Variants in ORC3 observed in about 807,000 individuals in gnomAD.
ORC3 encodes the protein homolog of latheo, Drosophila.
ORC3 carries 78 observed loss-of-function variants against 100.7 expected under a neutral mutation model. That is an observed-to-expected ratio of 0.77 (90% CI 0.65 to 0.94). The LOEUF (loss-of-function observed/expected upper bound fraction) is 0.94. Among genes scored for constraint, ORC3 ranks in the 40% least tolerant of loss-of-function variants. The pLI is 0.00. For missense variants in ORC3, 789 were observed against 823.9 expected, an observed-to-expected ratio of 0.96 and a Z score of 0.52; for synonymous variants, 295 against 289.3, an observed-to-expected ratio of 1.02 and a Z score of -0.20.
intron 8 of ORC3, among the ~76,000 whole-genome samples, chr6:87,615,918 A>G (rs1779122151): frequency 6.6e-6 from 1 of 152,118 alleles, no homozygotes; most frequent in African/African-American, 2.4e-5. Flanking sequence ...TACATAATAT[A>G]TTACTCTTCA....
chr6:87,647,692 A>G (rs540890050), intron 13 of ORC3, among the ~76,000 whole-genome samples: 1 of 152,336 alleles, frequency 6.6e-6, no homozygotes, highest in South Asian at 2.1e-4. Context: ...CAGAACAGTG[A>G]CTAGTATGTA....
At position 87,607,556 on chromosome 6, in the gene ORC3, T is replaced by C. The variant is rs574817810; in HGVS notation, c.428-117T>C. On this transcript the variant is annotated intron_variant, in intron 5 of 19. Transcript: ENST00000392844. Reference sequence around the variant, plus strand: ...ACATTAGCTGTATTGATGGTAAGTATAAAAAAACACATTCTACCAAAAAAA... The same window carrying C: ...ACATTAGCTGTATTGATGGTAAGTACAAAAAAACACATTCTACCAAAAAAA... 3 of 691,010 alleles carry C rather than the reference T, an allele frequency of 4.3e-6. No individual in the cohort carries two copies. In the Admixed American group the frequency reaches 1.1e-4, roughly 26 times the overall value. The allele number at this position is 691,010 out of a possible 1,614,324, so 42.8% of individuals were successfully genotyped here. A position where few individuals can be genotyped will look rare whatever the true frequency, so the allele number is the denominator to read the frequency against.
At chr6:87,675,420 G>A in the ORC3 span, 1 of 750,202 alleles carries the variant, frequency 1.3e-6, no homozygotes. Context: ...AGGTGGTACT[G>A]ACATCAGGGA....
chr6:87,629,334 T>C lies in ORC3; in HGVS notation c.1186-5511T>C, dbSNP rs189552656. Among the ~76,000 whole-genome samples the C allele has an allele frequency of 4.1e-3, 626 of 152,350 alleles. 4 individuals carry two copies. Among genetic ancestry groups the C allele is most frequent in the Non-Finnish European group, 6.7e-3 (458 of 68,020 alleles). ...AGTTTATAGTCATTTTTACATACTT[T>C]ATTTTATAATCTGAGGTCACTGTTC... On this transcript the variant is annotated intron_variant, in intron 11 of 19. Coordinates refer to ENST00000392844, the MANE Select transcript of ORC3 (RefSeq NM_012381.4).
At chr6:87,626,086 T>C (rs756679213) in intron 11 of ORC3, among the ~76,000 whole-genome samples, 26 of 152,216 alleles carry the variant, frequency 1.7e-4, no homozygotes, top group Non-Finnish European at 3.7e-4. Context: ...TTGGTTACTG[T>C]AGCCTTGTAG....
chr6:87,604,386 A>T (rs1395136522), intron 4 of ORC3, among the ~76,000 whole-genome samples: 1 of 152,214 alleles, frequency 6.6e-6, no homozygotes, highest in African/African-American at 2.4e-5. Flanking sequence ...GTACCAGCTG[A>T]TGCCCATAGT....
intron 11 of ORC3, among the ~76,000 whole-genome samples, chr6:87,630,501 G>A (rs1168438304): frequency 1.3e-5 from 2 of 152,128 alleles, no homozygotes; most frequent in Admixed American, 6.5e-5. Context: ...TTATGTGCCC[G>A]GTGTTAATCT....
At chr6:87,651,073 A>T (rs570256351) in intron 13 of ORC3, 130 of 428,796 alleles carry the variant, frequency 3.0e-4, no homozygotes, top group African/African-American at 2.5e-3. Context: ...TTTACATCTG[A>T]GTACCTTCTC....
At position 87,657,066 on chromosome 6, in the gene ORC3, GT is replaced by G. The variant is rs2307390; in HGVS notation, c.1593+89del. ...TGCTCTAGATTAACTCTGCCTGGAT[GT>G]TTTTGTTTTCATTTTTAAACCACAA... On this transcript the variant is annotated intron_variant, in intron 15 of 19. Transcript: ENST00000392844. 7,848 of 901,414 alleles carry G rather than the reference GT, an allele frequency of 8.7e-3. 397 individuals are homozygous for G. In the African/African-American group the frequency reaches 0.11, roughly 13 times the overall value. The allele number at this position is 901,414 out of a possible 1,614,324, so 55.8% of individuals were successfully genotyped here. A position where few individuals can be genotyped will look rare whatever the true frequency, so the allele number is the denominator to read the frequency against.
intron 14 of ORC3, among the ~76,000 whole-genome samples, chr6:87,656,642 T>C (rs983390240): frequency 6.6e-6 from 1 of 152,058 alleles, no homozygotes; most frequent in Non-Finnish European, 1.5e-5. Flanking sequence ...GGGAGTTTTG[T>C]TAGGTTGTAT....
At chr6:87,612,357 A>G (rs1778838477) in intron 8 of ORC3, 109 bp downstream of exon 8, 1 of 557,602 alleles carries the variant, frequency 1.8e-6, no homozygotes, top group South Asian at 4.1e-5. Context: ...TGAGTACTAT[A>G]TTGAACATAT....
chr6:87,609,804 G>A (rs550630696), intron 7 of ORC3, among the ~76,000 whole-genome samples: 134 of 151,796 alleles, frequency 8.8e-4, no homozygotes, highest in African/African-American at 3.0e-3. Context: ...TGCCTGCCTC[G>A]GCCTCCCAAA....
intron 2 of ORC3, among the ~76,000 whole-genome samples, chr6:87,600,429 C>CA (rs1777809140): frequency 6.6e-6 from 1 of 151,992 alleles, no homozygotes; most frequent in African/African-American, 2.4e-5. Flanking sequence ...TTTATCTAGT[C>CA]AAATACCAGT....
intron 13 of ORC3, among the ~76,000 whole-genome samples, chr6:87,636,890 C>G (rs917691461): frequency 1.3e-5 from 2 of 152,166 alleles, no homozygotes. Flanking sequence ...GTGATATGTA[C>G]CCAGTGGTCA....
chr6:87,639,280 A>G (rs1342852342), intron 13 of ORC3, among the ~76,000 whole-genome samples: 3 of 152,206 alleles, frequency 2.0e-5, no homozygotes, highest in African/African-American at 7.2e-5. Context: ...CATTCAGGTT[A>G]GTATGGCTGT....
chr6:87,643,089 C>G (rs184736871), intron 13 of ORC3, among the ~76,000 whole-genome samples: 13 of 152,180 alleles, frequency 8.5e-5, no homozygotes, highest in Non-Finnish European at 7.4e-5. Context: ...TGTTAAAGCT[C>G]TCTTTGAAAC....
chr6:87,625,423 G>C (rs1286643177), intron 11 of ORC3, among the ~76,000 whole-genome samples: 1 of 152,178 alleles, frequency 6.6e-6, no homozygotes, highest in Non-Finnish European at 1.5e-5. Context: ...TTGTGGTTTT[G>C]ATTTGCATTT....
intron 13 of ORC3, among the ~76,000 whole-genome samples, chr6:87,647,707 G>C (rs1768910850): frequency 6.6e-6 from 1 of 152,192 alleles, no homozygotes; most frequent in Admixed American, 6.5e-5. Flanking sequence ...TATGTAGTGT[G>C]CATTCAATAA....
intron 3 of ORC3, 148 bp downstream of exon 3, chr6:87,602,029 A>G (rs1251752928): frequency 1.4e-5 from 8 of 582,696 alleles, no homozygotes; most frequent in East Asian, 1.2e-4. Context: ...AAAAACAACC[A>G]TAATCCAGCC....
Sources: allele counts gnomAD v4.1 joint callset (sites outside exome capture counted in the v4.1 genomes callset), GRCh38; gene constraint gnomAD v4.1.1; transcripts MANE v1.5; gene names NCBI Gene and HGNC (gene_info 2026-07-23, HGNC 2026-07-21).